The following KHDRBS2 variants were observed in gnomAD, a reference collection of about 807,000 sequenced individuals.
The protein encoded by KHDRBS2 is KH domain-containing, RNA-binding, signal transduction-associated protein 2.
A neutral mutation model predicts 44.3 loss-of-function variants in KHDRBS2; 26 were observed. The ratio of observed to expected loss-of-function variants is 0.59; its 90% CI spans 0.43 to 0.81. The LOEUF is 0.81. Among genes scored for constraint, KHDRBS2 ranks in the 40% least tolerant of loss-of-function variants. The probability of loss-of-function intolerance (pLI) is 0.00; values close to 1 mark genes in which losing one functional copy is unlikely to be tolerated. For synonymous variants in KHDRBS2, 194 were observed against 151.1 expected (o/e 1.28, Z -2.08); for missense variants, 476 against 433.1 (o/e 1.10, Z -0.88).
intron 1 of KHDRBS2, among the ~76,000 whole-genome samples, chr6:62,268,329 T>C (rs561039553): frequency 2.0e-5 from 3 of 152,054 alleles, no homozygotes; most frequent in African/African-American, 7.2e-5. Context: ...ACATGATGAG[T>C]ACATACATGC....
chr6:61,923,902 T>C (rs530087493), intron 4 of KHDRBS2, among the ~76,000 whole-genome samples: 3 of 152,206 alleles, frequency 2.0e-5, no homozygotes, highest in South Asian at 4.1e-4. Context: ...ATGTAAATCA[T>C]TTAATGGAAT....
chr6:62,206,423 T>C (rs991010950), intron 1 of KHDRBS2, among the ~76,000 whole-genome samples: 3 of 152,082 alleles, frequency 2.0e-5, no homozygotes, highest in Admixed American at 2.0e-4. Flanking sequence ...CATTCTCAGA[T>C]GCCTTGTTAT....
intron 2 of KHDRBS2, among the ~76,000 whole-genome samples, chr6:62,065,597 C>T (rs1158677701): frequency 7.8e-6 from 1 of 128,134 alleles, no homozygotes; most frequent in East Asian, 2.3e-4. Context: ...ATCACATGGA[C>T]ACAGGAATGG....
At chr6:61,816,698 C>T (rs1789005919) in intron 6 of KHDRBS2, 1 of 412,754 alleles carries the variant, frequency 2.4e-6, no homozygotes, top group African/African-American at 2.1e-5. Flanking sequence ...AAGACAGACT[C>T]ATTTATTCTT....
intron 2 of KHDRBS2, among the ~76,000 whole-genome samples, chr6:62,052,004 G>T (rs1789176974): frequency 6.6e-6 from 1 of 151,912 alleles, no homozygotes; most frequent in Admixed American, 6.6e-5. Flanking sequence ...ACTTGAGTGA[G>T]CAGAAAAGGG....
chr6:61,697,212 T>A lies in KHDRBS2; in HGVS notation c.935A>T (p.Asp312Val). The change falls in exon 8 of 9, where the codon GAT (aspartate) becomes GTT (valine). Residue 312 changes from aspartate to valine, a missense_variant. Physicochemically the swap from Asp to Val is radical, Grantham distance 152 (BLOSUM62 -3). Coordinates refer to ENST00000281156, the MANE Select transcript of KHDRBS2 (RefSeq NM_152688.4). ...YYDYGHGVSEDAYDSYAPEEW... is the reference protein window; with the variant it reads ...YYDYGHGVSEVAYDSYAPEEW... ...GGTCTTACCGTAGCTGTCATAGGCA[T>A]CCTCACTTACTCCATGACCGTAGTC... 6.2e-7 allele frequency: 1 copy of A among 1,609,556 alleles called. No homozygotes were observed. The highest frequency in any genetic ancestry group is 8.5e-7 in the Non-Finnish European group (1 of 1,175,962).
chr6:62,265,633 A>G (rs1839079280), intron 1 of KHDRBS2, among the ~76,000 whole-genome samples: 1 of 152,054 alleles, frequency 6.6e-6, no homozygotes, highest in Admixed American at 6.6e-5. Flanking sequence ...GCCTATAAAT[A>G]TTACAATAGT....
chr6:62,210,741 T>A (rs1169858890), intron 1 of KHDRBS2, among the ~76,000 whole-genome samples: 1 of 152,154 alleles, frequency 6.6e-6, no homozygotes, highest in East Asian at 1.9e-4. Context: ...TGAATATGAA[T>A]AGTTAAATTA....
the KHDRBS2 span, among the ~76,000 whole-genome samples, chr6:61,644,853 C>T: frequency 1.3e-5 from 2 of 152,000 alleles, no homozygotes; most frequent in South Asian, 4.1e-4. Flanking sequence ...TTATATACTA[C>T]TTGTGGGAGT....
chr6:61,709,376 G>T (rs75728456), intron 7 of KHDRBS2, among the ~76,000 whole-genome samples: 1 of 151,396 alleles, frequency 6.6e-6, no homozygotes, highest in African/African-American at 2.4e-5. Context: ...TCTATATAAG[G>T]CATCTAGTGT....
Position 62,213,873 on chromosome 6 carries a change from C to CAAAAAAAAAAAAAAAAA in KHDRBS2, c.92-36578_92-36562dup, listed in dbSNP as rs67482871. On this transcript the variant is annotated intron_variant, in intron 1 of 8. Transcript: ENST00000281156. Reference sequence around the variant, plus strand: ...TGGGTGACAGAGCGAGACTCCATCTCAAAAAAAAAAAAAAAAAAAAAAAAA... The same window carrying CAAAAAAAAAAAAAAAAA: ...TGGGTGACAGAGCGAGACTCCATCTCAAAAAAAAAAAAAAAAAAAAAAAAAAAAAAAAAAAAAAAAAA... Among the ~76,000 whole-genome samples the CAAAAAAAAAAAAAAAAA allele has an allele frequency of 5.3e-4, 22 of 41,504 alleles. 2 individuals are homozygous for CAAAAAAAAAAAAAAAAA. The highest frequency in any genetic ancestry group is 6.9e-4 in the Non-Finnish European group (17 of 24,612). 27.2% of individuals were successfully genotyped at this position (41,504 alleles called of 152,430 possible).
the KHDRBS2 span, among the ~76,000 whole-genome samples, chr6:61,562,349 G>T: frequency 1.3e-5 from 2 of 152,134 alleles, no homozygotes; most frequent in Non-Finnish European, 2.9e-5. Flanking sequence ...TCTCTGTTAT[G>T]ATCCTTTAGG....
At chr6:61,829,866 C>G (rs1194978691) in intron 6 of KHDRBS2, among the ~76,000 whole-genome samples, 1 of 152,222 alleles carries the variant, frequency 6.6e-6, no homozygotes, top group African/African-American at 2.4e-5. Flanking sequence ...CAAAAGGTGT[C>G]ATGGCCAGAT....
At position 62,246,101 on chromosome 6, in the gene KHDRBS2, T is replaced by TA. The variant is rs1471520833; in HGVS notation, c.91+39756_91+39757insT. Among the ~76,000 whole-genome samples the TA allele has an allele frequency of 5.2e-4, 34 of 64,776 alleles. No individual in the cohort carries two copies. In the East Asian group the frequency reaches 5.5e-3, roughly 11 times the overall value. The allele number at this position is 64,776 out of a possible 152,430, so 42.5% of individuals were successfully genotyped here. A position where few individuals can be genotyped will look rare whatever the true frequency, so the allele number is the denominator to read the frequency against. On this transcript the variant is annotated intron_variant, in intron 1 of 8. Coordinates refer to ENST00000281156, the MANE Select transcript of KHDRBS2 (RefSeq NM_152688.4). ...GCATAGAAACATTAATTCAATCAAT[T>TA]TTATATATATATATATATATATATA...
intron 3 of KHDRBS2, among the ~76,000 whole-genome samples, chr6:62,026,727 A>C (rs1288903668): frequency 1.3e-5 from 2 of 152,026 alleles, no homozygotes; most frequent in African/African-American, 2.4e-5. Flanking sequence ...GCTTTTCTGC[A>C]TAAAAGTTAG....
intron 2 of KHDRBS2, among the ~76,000 whole-genome samples, chr6:62,094,022 A>C (rs1335473614): frequency 6.6e-6 from 1 of 151,778 alleles, no homozygotes; most frequent in East Asian, 1.9e-4. Context: ...TACGGATTTT[A>C]TTTCTTTTGG....
chr6:61,544,353 A>G, the KHDRBS2 span, among the ~76,000 whole-genome samples: 1 of 152,264 alleles, frequency 6.6e-6, no homozygotes, highest in Non-Finnish European at 1.5e-5. Context: ...ACCTTAACTA[A>G]GAGTCTTATG....
intron 2 of KHDRBS2, among the ~76,000 whole-genome samples, chr6:62,159,468 A>G (rs1464661261): frequency 6.6e-6 from 1 of 152,128 alleles, no homozygotes; most frequent in Non-Finnish European, 1.5e-5. Flanking sequence ...TAAGATGACA[A>G]AAAGGATTAT....
chr6:61,963,105 A>G (rs1014826027), intron 4 of KHDRBS2, among the ~76,000 whole-genome samples: 1 of 152,212 alleles, frequency 6.6e-6, no homozygotes, highest in Non-Finnish European at 1.5e-5. Context: ...AGTAAACATG[A>G]TTGCAGGGAG....
Sources: allele counts gnomAD v4.1 joint callset (sites outside exome capture counted in the v4.1 genomes callset), GRCh38; gene constraint gnomAD v4.1.1; transcripts MANE v1.5; gene names NCBI Gene and HGNC (gene_info 2026-07-23, HGNC 2026-07-21).